NEDD9: variants seen among roughly 807,000 people sequenced by gnomAD.
NEDD9 encodes enhancer of filamentation 1.
Under a neutral mutation model 76.6 loss-of-function variants are expected in NEDD9, and 26 were observed. The observed-to-expected ratio is 0.34, with a 90% CI of 0.25 to 0.47. The LOEUF is 0.47. Among genes scored for constraint, NEDD9 ranks in the 20% least tolerant of loss-of-function variants. The pLI, the probability that NEDD9 is intolerant of heterozygous loss-of-function variation, is 1.00. For synonymous variants in NEDD9, 392 were observed against 414.2 expected, an observed-to-expected ratio of 0.95 and a Z score of 0.65; for missense variants, 937 against 1,058.5, an observed-to-expected ratio of 0.89 and a Z score of 1.59.
chr6:11,352,334 G>A (rs1459475437), intron 1 of NEDD9: 1 of 152,146 alleles, frequency 6.6e-6, no homozygotes, highest in Non-Finnish European at 1.5e-5. Flanking sequence ...TTGATCTGCT[G>A]TTTCATGATC....
chr6:11,249,344 C>T (rs1759869117), intron 3 of NEDD9: 1 of 379,806 alleles, frequency 2.6e-6, no homozygotes, highest in Non-Finnish European at 5.2e-6. Flanking sequence ...TGGGTTGGTT[C>T]AGGGCTCTAT....
chr6:11,220,188 G>A (rs1029885835), intron 1 of NEDD9, among the ~76,000 whole-genome samples: 3 of 152,094 alleles, frequency 2.0e-5, no homozygotes, highest in Non-Finnish European at 2.9e-5. Context: ...GCTGAGAGGT[G>A]TTCAACATTT....
At chr6:11,284,391 TAAAAAAAAA>T (rs1168452567) in intron 3 of NEDD9, among the ~76,000 whole-genome samples, 2 of 70,208 alleles carry the variant, frequency 2.8e-5, no homozygotes, top group African/African-American at 1.0e-4. Flanking sequence ...CCGTCTCTAC[TAAAAAAAAA>T]AAAAAAAAAA....
chr6:11,201,306 C>G (rs1387651111), intron 2 of NEDD9, among the ~76,000 whole-genome samples: 1 of 152,222 alleles, frequency 6.6e-6, no homozygotes, highest in Non-Finnish European at 1.5e-5. Context: ...GGCTGCCACT[C>G]ACAAAGGCCA....
At chr6:11,362,148 G>A (rs934364504) in intron 1 of NEDD9, among the ~76,000 whole-genome samples, 8 of 152,288 alleles carry the variant, frequency 5.3e-5, no homozygotes, top group South Asian at 4.1e-4. Flanking sequence ...TGGATGTAGT[G>A]CCGTTATGAA....
intron 2 of NEDD9, chr6:11,199,081 A>G (rs1370336311): frequency 6.6e-6 from 1 of 152,232 alleles, no homozygotes; most frequent in Non-Finnish European, 1.5e-5. Flanking sequence ...CTTCTTAACC[A>G]CAAGCCAGAA....
At chr6:11,319,742 A>ACT (rs549020678) in intron 2 of NEDD9, among the ~76,000 whole-genome samples, 2 of 125,782 alleles carry the variant, frequency 1.6e-5, no homozygotes, top group South Asian at 6.0e-4. Flanking sequence ...TAACATGCAC[A>ACT]CACACACTAA....
rs564627605 is a variant in NEDD9 at position 11,241,604 on chromosome 6, G to A, written c.13-27877C>T. Among the ~76,000 whole-genome samples, 2 of 152,292 alleles carry A rather than the reference G, an allele frequency of 1.3e-5. No individual in the cohort carries two copies. The highest frequency in any genetic ancestry group is 4.1e-4 in the South Asian group (2 of 4,830). ...ACACCAGCCATCCAGCATAGCTCCGGGGGCGGAGGTAGGGACAGTACACAA... is the reference window on the plus strand; with the variant it reads ...ACACCAGCCATCCAGCATAGCTCCGAGGGCGGAGGTAGGGACAGTACACAA... On this transcript the variant is annotated intron_variant, in intron 3 of 3. Coordinates refer to the NEDD9 transcript ENST00000397378. This position sits in a 1 kb window ranked among gnomAD's most constrained non-coding sequence, Gnocchi z 4.0.
intron 1 of NEDD9, among the ~76,000 whole-genome samples, chr6:11,215,286 T>C (rs1758918486): frequency 6.6e-6 from 1 of 152,140 alleles, no homozygotes; most frequent in African/African-American, 2.4e-5. Flanking sequence ...TTGACAGTTA[T>C]GAGATCCAGG....
intron 2 of NEDD9, chr6:11,200,354 A>T: frequency 1.9e-6 from 1 of 523,232 alleles, no homozygotes; most frequent in Non-Finnish European, 3.3e-6. Context: ...AGGCTGGCAG[A>T]AGGAAACAAA....
chr6:11,335,314 A>G (rs971262528), intron 1 of NEDD9, among the ~76,000 whole-genome samples: 4 of 152,202 alleles, frequency 2.6e-5, no homozygotes, highest in African/African-American at 9.7e-5. Flanking sequence ...GCACCAAAAT[A>G]TGGTCATGGT....
chr6:11,251,300 G>C (rs1256601960), intron 3 of NEDD9: 2 of 152,116 alleles, frequency 1.3e-5, no homozygotes, highest in Non-Finnish European at 2.9e-5. Flanking sequence ...TTTGTCTCTT[G>C]TCCTCTACTA....
Position 11,191,223 on chromosome 6 carries a change from A to G in NEDD9, c.664-18T>C. 6.4e-7 allele frequency: 1 copy of G among 1,557,828 alleles called. No homozygotes were observed. On this transcript the variant is annotated intron_variant, in intron 4 of 6. Coordinates refer to ENST00000379446, the MANE Select transcript of NEDD9 (RefSeq NM_006403.4). ...GCATATACCTGCAAAGCAAGTAGAA[A>G]GCGAAATGCTATTTATTGAGTTGGC...
chr6:11,217,978 A>G (rs887439509), intron 1 of NEDD9, among the ~76,000 whole-genome samples: 18 of 152,202 alleles, frequency 1.2e-4, no homozygotes, highest in African/African-American at 4.1e-4. Flanking sequence ...TGGAGACTAA[A>G]TCTTTTTCCC....
Position 11,269,679 on chromosome 6 carries a change from C to G in NEDD9, c.12+36313G>C, listed in dbSNP as rs561294361. Among the ~76,000 whole-genome samples, 16 of 152,062 alleles carry G rather than the reference C, an allele frequency of 1.1e-4. No individual in the cohort carries two copies. In the Middle Eastern group the frequency reaches 0.017, roughly 162 times the overall value. Reference sequence around the variant, plus strand: ...GGGTTGTTTCGGTCTGTCATTATTTCCAAAGATAAATTTAGTTTGTAATAG... The same window carrying G: ...GGGTTGTTTCGGTCTGTCATTATTTGCAAAGATAAATTTAGTTTGTAATAG... On this transcript the variant is annotated intron_variant, in intron 3 of 3. Transcript: ENST00000397378.
At chr6:11,217,447 C>A (rs1186944743) in intron 1 of NEDD9, among the ~76,000 whole-genome samples, 1 of 152,204 alleles carries the variant, frequency 6.6e-6, no homozygotes, top group Non-Finnish European at 1.5e-5. Flanking sequence ...AAGGTCAACA[C>A]AGAAACAAAT....
At chr6:11,245,355 G>A (rs1759787458) in intron 3 of NEDD9, among the ~76,000 whole-genome samples, 1 of 152,212 alleles carries the variant, frequency 6.6e-6, no homozygotes, top group African/African-American at 2.4e-5. Context: ...GAAAGGAAAA[G>A]CAACCCATAT....
rs572308022 is a variant in NEDD9, at chr6:11,288,029, C to A, written c.12+17963G>T. On this transcript the variant is annotated intron_variant, in intron 3 of 3. Transcript: ENST00000397378. ...ATGGCCTGTTAAAATGGTTTAGGTT[C>A]TTTCCATTCCTCCACTCTGCAGACT... 3.3e-5 allele frequency among the ~76,000 whole-genome samples: 5 copies of A among 152,326 alleles called. No homozygotes were observed. In the South Asian group the frequency reaches 1.0e-3, roughly 32 times the overall value.
At chr6:11,274,414 C>T (rs572793219) in intron 3 of NEDD9, among the ~76,000 whole-genome samples, 4 of 152,306 alleles carry the variant, frequency 2.6e-5, no homozygotes, top group Non-Finnish European at 5.9e-5. Flanking sequence ...CACTCTGGGC[C>T]CCTTTCACCA....
Sources: gnomAD v4.1 joint callset for allele counts (sites outside exome capture counted in the v4.1 genomes callset) on GRCh38, gnomAD v4.1.1 for gene constraint, Gnocchi (gnomAD v3.1) non-coding constraint, MANE v1.5 for transcripts, NCBI Gene and HGNC (gene_info 2026-07-23, HGNC 2026-07-21) for gene names.